The following USP15 variants were observed in gnomAD, a reference collection of about 807,000 sequenced individuals.
The protein encoded by USP15 is ubiquitin specific peptidase 15, also known as ubiquitin carboxyl-terminal hydrolase 15.
USP15 carries 18 observed loss-of-function variants against 127.1 expected under a neutral mutation model. The ratio of observed to expected loss-of-function variants is 0.14; its 90% CI spans 0.10 to 0.21. The LOEUF (loss-of-function observed/expected upper bound fraction) is 0.21, where lower values mean the gene tolerates loss of function less well. Among genes scored for constraint, USP15 ranks in the 10% least tolerant of loss-of-function variants. The pLI is 1.00. For synonymous variants in USP15, 364 were observed against 393.7 expected (o/e 0.92, Z 0.89); for missense variants, 805 against 1,159.9 (o/e 0.69, Z 4.44).
At chr12:62,288,638 G>A (rs539461001) in intron 1 of USP15, among the ~76,000 whole-genome samples, 4 of 152,138 alleles carry the variant, frequency 2.6e-5, no homozygotes, top group East Asian at 1.9e-4. Context: ...ATACTGAATC[G>A]GAGTGTGTAA....
chr12:62,396,462 T>A, intron 20 of USP15, 64 bp downstream of exon 20: 1 of 1,324,156 alleles, frequency 7.6e-7, no homozygotes, highest in Non-Finnish European at 1.1e-6. Context: ...ACTTTTTTCT[T>A]TAAGATATTT....
intron 1 of USP15, among the ~76,000 whole-genome samples, chr12:62,292,526 A>G (rs1441149434): frequency 6.6e-6 from 1 of 152,174 alleles, no homozygotes; most frequent in Non-Finnish European, 1.5e-5. Context: ...TTCTTGTGCC[A>G]GCTTCCCATG....
intron 8 of USP15, among the ~76,000 whole-genome samples, chr12:62,373,830 G>GA (rs2066749297): frequency 6.6e-6 from 1 of 151,516 alleles, no homozygotes; most frequent in South Asian, 2.1e-4. Context: ...CCCTTTCTTA[G>GA]AAAAAATATA....
At position 62,365,215 on chromosome 12, in the gene USP15, A is replaced by G. The variant is rs571581481; in HGVS notation, c.915+9740A>G. On this transcript the variant is annotated intron_variant, in intron 8 of 21. Coordinates refer to ENST00000280377, the MANE Select transcript of USP15 (RefSeq NM_001252078.2). ...CCTATTTCTCCACATCCTTTCCAGC[A>G]TCTGTTGTTTCCTGACTAATGATCG... Among the ~76,000 whole-genome samples, 3 of 152,270 alleles carry G rather than the reference A, an allele frequency of 2.0e-5. No individual in the cohort carries two copies. In the South Asian group the frequency reaches 6.2e-4, roughly 32 times the overall value.
intron 1 of USP15, among the ~76,000 whole-genome samples, chr12:62,282,272 G>A (rs2063673681): frequency 6.6e-6 from 1 of 152,124 alleles, no homozygotes; most frequent in Non-Finnish European, 1.5e-5. Flanking sequence ...AGACTACAGT[G>A]AGCTGTGATC....
At position 62,404,582 on chromosome 12, in the gene USP15, C is replaced by A; in HGVS notation, c.*207C>A. On this transcript the variant is annotated 3_prime_UTR_variant, in exon 22 of 22. Transcript: ENST00000280377. ...CAGAAATTGTCTCTTAATACATTTA[C>A]AGTCTTGTATTTACAAGCTAAATAT... 2.0e-6 allele frequency: 1 copy of A among 510,064 alleles called. No individual in the cohort carries two copies. The highest frequency in any genetic ancestry group is 3.0e-6 in the Non-Finnish European group (1 of 338,732). 31.6% of individuals were successfully genotyped at this position (510,064 alleles called of 1,614,324 possible).
intron 1 of USP15, among the ~76,000 whole-genome samples, chr12:62,269,212 G>A (rs1259898531): frequency 6.6e-6 from 1 of 151,868 alleles, no homozygotes; most frequent in African/African-American, 2.4e-5. Context: ...AATCTAGATG[G>A]GATTGCCTAC....
intron 7 of USP15, among the ~76,000 whole-genome samples, chr12:62,350,187 G>A (rs2137425185): frequency 6.6e-6 from 1 of 151,488 alleles, no homozygotes; most frequent in Admixed American, 6.6e-5. Flanking sequence ...TTTCTAAATG[G>A]CATCTGATTA....
At chr12:62,384,353 G>A in intron 11 of USP15, 51 bp downstream of exon 11, 1 of 1,191,622 alleles carries the variant, frequency 8.4e-7, no homozygotes, top group Non-Finnish European at 1.1e-6. Context: ...TTTTGCATTT[G>A]TTATTTTTAT....
intron 8 of USP15, among the ~76,000 whole-genome samples, chr12:62,364,228 G>T (rs564773327): frequency 6.6e-6 from 1 of 152,300 alleles, no homozygotes; most frequent in East Asian, 1.9e-4. Context: ...GATTACGGAT[G>T]CAAGCAATGT....
intron 1 of USP15, among the ~76,000 whole-genome samples, chr12:62,287,944 C>T (rs904522313): frequency 1.3e-5 from 2 of 152,100 alleles, no homozygotes; most frequent in African/African-American, 4.8e-5. Flanking sequence ...TTCCATTGAT[C>T]TGTGTGTCTA....
At chr12:62,299,368 C>T (rs944420253) in intron 2 of USP15, among the ~76,000 whole-genome samples, 1 of 152,188 alleles carries the variant, frequency 6.6e-6, no homozygotes, top group African/African-American at 2.4e-5. Flanking sequence ...GCCTCAGTCC[C>T]CCAAAGTACT....
Position 62,389,684 on chromosome 12 carries a change from G to A in USP15, c.1637G>A (p.Arg546Gln), listed in dbSNP as rs754420760. 4 of 1,612,214 alleles carry A rather than the reference G, an allele frequency of 2.5e-6. No individual in the cohort carries two copies. Among genetic ancestry groups the A allele is most frequent in the East Asian group, 2.2e-5 (1 of 44,800 alleles). Residue 546 changes from arginine (R) to glutamine (Q), a missense_variant, in exon 13 of 22, where the codon CGG becomes CAG. Arg to Gln is a conservative substitution (Grantham distance 43). Transcript: ENST00000280377. Reference protein sequence around the residue: ...MDENLSSIMERDDIYVFEINI... With the variant: ...MDENLSSIMEQDDIYVFEINI... The stretch of plus-strand genomic sequence containing the variant: ...GAAAACCTTAGTAGTATTATGGAAC[G>A]GGATGATATTTATGTGTAAGTATAA...
rs2068149818 is a variant in USP15, at chr12:62,416,156, G to C, written c.*11781G>C. On this transcript the variant is annotated 3_prime_UTR_variant, in exon 22 of 22. Transcript: ENST00000280377. Reference sequence around the variant, plus strand: ...CCCACATTTGTCCCACATTTGCATGGTCTGCCTTATCTCTTACCTGGCGAA... The same window carrying C: ...CCCACATTTGTCCCACATTTGCATGCTCTGCCTTATCTCTTACCTGGCGAA... The C allele has an allele frequency of 2.0e-5, 3 of 152,086 alleles. No individual in the cohort carries two copies. Among genetic ancestry groups the C allele is most frequent in the African/African-American group, 7.2e-5 (3 of 41,402 alleles). 9.4% of individuals were successfully genotyped at this position (152,086 alleles called of 1,614,324 possible). A position where few individuals can be genotyped will look rare whatever the true frequency, so the allele number is the denominator to read the frequency against.
chr12:62,352,095 A>G (rs918030599), intron 7 of USP15, among the ~76,000 whole-genome samples: 1 of 151,890 alleles, frequency 6.6e-6, no homozygotes, highest in Non-Finnish European at 1.5e-5. Context: ...GTCTACAAGT[A>G]TAAGTAATAT....
intron 1 of USP15, among the ~76,000 whole-genome samples, chr12:62,262,170 G>A (rs544340563): frequency 3.3e-5 from 5 of 152,190 alleles, no homozygotes; most frequent in Non-Finnish European, 5.9e-5. Context: ...CCTAGGAAGC[G>A]GAGGTTGCAG....
In USP15 at chr12:62,306,406, A is replaced by G. The variant is rs374071909; in HGVS notation, c.348+3486A>G. Among the ~76,000 whole-genome samples the G allele has an allele frequency of 7.2e-5, 11 of 152,250 alleles. No homozygotes were observed. In the East Asian group the frequency reaches 1.9e-3, roughly 27 times the overall value. Reference sequence around the variant, plus strand: ...TCAATGAAAGCTTAAAGGGCCTTAAACAAACCGTTAGTAGATTACTAGACT... The same window carrying G: ...TCAATGAAAGCTTAAAGGGCCTTAAGCAAACCGTTAGTAGATTACTAGACT... On this transcript the variant is annotated intron_variant, in intron 3 of 21. Coordinates refer to ENST00000280377, the MANE Select transcript of USP15 (RefSeq NM_001252078.2).
At chr12:62,332,243 A>G (rs998697871) in intron 6 of USP15, among the ~76,000 whole-genome samples, 3 of 150,586 alleles carry the variant, frequency 2.0e-5, no homozygotes, top group African/African-American at 7.3e-5. Context: ...TTTTATTTTT[A>G]TGTTCATGCT....
chr12:62,276,875 A>G (rs79575176), intron 1 of USP15, among the ~76,000 whole-genome samples: 3,350 of 152,264 alleles, frequency 0.022, 123 homozygotes, highest in African/African-American at 0.075. Flanking sequence ...AGTAATGAAT[A>G]AAAACTGTGC....
Sources: allele counts gnomAD v4.1 joint callset (sites outside exome capture counted in the v4.1 genomes callset), GRCh38; gene constraint gnomAD v4.1.1; transcripts MANE v1.5; gene names NCBI Gene and HGNC (gene_info 2026-07-23, HGNC 2026-07-21).